Variants in EIF4EBP2 observed in about 807,000 individuals in gnomAD.
The protein encoded by EIF4EBP2 is eukaryotic translation initiation factor 4E binding protein 2, also known as eukaryotic translation initiation factor 4E-binding protein 2.
EIF4EBP2 carries 5 observed loss-of-function variants against 10.3 expected under a neutral mutation model. The ratio of observed to expected loss-of-function variants is 0.48; its 90% confidence interval spans 0.25 to 1.02. The LOEUF (loss-of-function observed/expected upper bound fraction) is 1.02, where lower values mean the gene tolerates loss of function less well. Ranked by LOEUF, EIF4EBP2 falls within the 50% of genes least tolerant of loss-of-function variation. The pLI is 0.15. For missense variants in EIF4EBP2, 188 were observed against 162.2 expected, an observed-to-expected ratio of 1.16 and a Z score of -0.86; for synonymous variants, 67 against 61.1, an observed-to-expected ratio of 1.10 and a Z score of -0.45.
chr10:70,411,009 C>T (rs763121918), intron 1 of EIF4EBP2, among the ~76,000 whole-genome samples: 2 of 152,136 alleles, frequency 1.3e-5, no homozygotes, highest in Non-Finnish European at 2.9e-5. Flanking sequence ...TTGTAAGCAT[C>T]TTTTTTCTTA....
At chr10:70,415,471 T>C (rs1845084487) in intron 1 of EIF4EBP2, among the ~76,000 whole-genome samples, 1 of 147,478 alleles carries the variant, frequency 6.8e-6, no homozygotes, top group Non-Finnish European at 1.5e-5. Flanking sequence ...GGACCTAAAA[T>C]ATCCAGAACA....
At chr10:70,420,143 A>T in intron 2 of EIF4EBP2, 44 bp downstream of exon 2, 1 of 1,509,340 alleles carries the variant, frequency 6.6e-7, no homozygotes, top group Non-Finnish European at 8.9e-7. Context: ...TGGCTCTTGG[A>T]ATTTGAATGT....
rs770158845 is a variant in EIF4EBP2, at chr10:70,420,032, TGAA to T, written c.267_269del (p.Glu89del). The T allele has an allele frequency of 1.2e-6, 2 of 1,613,246 alleles. No individual in the cohort carries two copies. Among genetic ancestry groups the T allele is most frequent in the Non-Finnish European group, 1.7e-6 (2 of 1,179,806 alleles). On this transcript the variant is annotated inframe_deletion, in exon 2 of 3. Transcript: ENST00000373218. Reference sequence around the variant, plus strand: ...GAGTCACTAGCCCTGGCACCTTAATTGAAGACTCCAAAGTAGAAGTAAACAATT... The same window carrying T: ...GAGTCACTAGCCCTGGCACCTTAATTGACTCCAAAGTAGAAGTAAACAATT...
At chr10:70,419,283 C>G (rs536642422) in intron 1 of EIF4EBP2, among the ~76,000 whole-genome samples, 3 of 152,294 alleles carry the variant, frequency 2.0e-5, no homozygotes, top group African/African-American at 7.2e-5. Context: ...TTAAAGTGTA[C>G]TCTTCAAAAC....
intron 1 of EIF4EBP2, among the ~76,000 whole-genome samples, chr10:70,418,450 G>A (rs1415608122): frequency 6.6e-6 from 1 of 152,170 alleles, no homozygotes; most frequent in Non-Finnish European, 1.5e-5. Context: ...GGGTGCACCA[G>A]CACAACTTTG....
chr10:70,404,278 C>T lies in EIF4EBP2; in HGVS notation c.-124C>T. 2 of 1,259,960 alleles carry T rather than the reference C, an allele frequency of 1.6e-6. No individual in the cohort carries two copies. The highest frequency in any genetic ancestry group is 1.7e-5 in the South Asian group (1 of 58,170). 78.0% of individuals were successfully genotyped at this position (1,259,960 alleles called of 1,614,324 possible). A position where few individuals can be genotyped will look rare whatever the true frequency, so the allele number is the denominator to read the frequency against. On this transcript the variant is annotated 5_prime_UTR_variant, in exon 1 of 3. In the 5' UTR this introduces an upstream ATG that the reference lacks. Transcript: ENST00000373218. ...GCGGGAGCGGAGCGGGACGAGGGAA[C>T]GGGAGGAAGCGAGCGAGGAGCGCGC...
In EIF4EBP2 at chr10:70,420,083, C is replaced by T; in HGVS notation, c.315C>T (p.Asp105=). 1 of 1,605,530 alleles carries T rather than the reference C, an allele frequency of 6.2e-7. No individual in the cohort carries two copies. Among genetic ancestry groups the T allele is most frequent in the Non-Finnish European group, 8.5e-7 (1 of 1,177,188 alleles). The change falls in exon 2 of 3, where the codon GAC becomes GAT. Residue 105 remains aspartate, a synonymous_variant. Coordinates refer to ENST00000373218, the MANE Select transcript of EIF4EBP2 (RefSeq NM_004096.5). ...ATTTGAACAACTTGAACAATCACGACAGGAAACATGCAGTTGGTAAGAGAA... is the reference window on the plus strand; with the variant it reads ...ATTTGAACAACTTGAACAATCACGATAGGAAACATGCAGTTGGTAAGAGAA... ...VNNLNNLNNH[D]RKHAVGDDAQ... is the part of the protein sequence containing the mutation.
intron 1 of EIF4EBP2, among the ~76,000 whole-genome samples, chr10:70,413,814 T>C (rs1040131971): frequency 1.3e-4 from 20 of 152,278 alleles, no homozygotes; most frequent in African/African-American, 4.6e-4. Context: ...AATGGAAAAT[T>C]GTTTTTTAAT....
intron 1 of EIF4EBP2, among the ~76,000 whole-genome samples, chr10:70,414,995 A>G (rs1845078830): frequency 6.6e-6 from 1 of 151,978 alleles, no homozygotes; most frequent in Non-Finnish European, 1.5e-5. Context: ...CGTCTCTACA[A>G]AAAATACAAA....
At position 70,404,422 on chromosome 10, in the gene EIF4EBP2, C is replaced by T. The variant is rs201442499; in HGVS notation, c.21C>T (p.Ser7=). 3,859 of 1,588,848 alleles carry T rather than the reference C, an allele frequency of 2.4e-3. 17 individuals are homozygous for T. Among genetic ancestry groups the T allele is most frequent in the Non-Finnish European group, 2.8e-3 (3,249 of 1,170,758 alleles). Reference sequence around the variant, plus strand: ...CAGCCATGTCCTCGTCAGCCGGCAGCGGCCACCAGCCCAGCCAGAGCCGCG... The same window carrying T: ...CAGCCATGTCCTCGTCAGCCGGCAGTGGCCACCAGCCCAGCCAGAGCCGCG... MSSSAG[S]GHQPSQSRAI... is the part of the protein sequence containing the mutation. Residue 7 remains serine (S), a synonymous_variant, in exon 1 of 3, where the codon AGC becomes AGT. Coordinates refer to ENST00000373218, the MANE Select transcript of EIF4EBP2 (RefSeq NM_004096.5).
At chr10:70,405,972 A>G (rs1844960915) in intron 1 of EIF4EBP2, among the ~76,000 whole-genome samples, 1 of 152,306 alleles carries the variant, frequency 6.6e-6, no homozygotes, top group Admixed American at 6.5e-5. Flanking sequence ...CGATATGATC[A>G]GTTCAAGACC....
chr10:70,413,808 G>C (rs1008758277), intron 1 of EIF4EBP2, among the ~76,000 whole-genome samples: 1 of 152,006 alleles, frequency 6.6e-6, no homozygotes, highest in Non-Finnish European at 1.5e-5. Context: ...AGAAGGAATG[G>C]AAAATTGTTT....
At chr10:70,415,412 C>A (rs1845083908) in intron 1 of EIF4EBP2, among the ~76,000 whole-genome samples, 1 of 152,316 alleles carries the variant, frequency 6.6e-6, no homozygotes, top group East Asian at 1.9e-4. Context: ...CTATCATAAT[C>A]TCAGCTGGCT....
At chr10:70,407,838 C>T (rs1455713169) in intron 1 of EIF4EBP2, among the ~76,000 whole-genome samples, 13 of 140,866 alleles carry the variant, frequency 9.2e-5, no homozygotes, top group African/African-American at 2.6e-4. Context: ...CCAGATGGGG[C>T]GGCTGGCCGG....
rs1021720322 is a variant in EIF4EBP2, at chr10:70,424,134, C to G, written c.*2387C>G. 1 of 152,148 alleles carries G rather than the reference C, an allele frequency of 6.6e-6. No individual in the cohort carries two copies. The highest frequency in any genetic ancestry group is 2.4e-5 in the African/African-American group (1 of 41,436). The allele number at this position is 152,148 out of a possible 1,614,324, so 9.4% of individuals were successfully genotyped here. A position where few individuals can be genotyped will look rare whatever the true frequency, so the allele number is the denominator to read the frequency against. ...TGATCTTTATTGCTATGTGTGAAAA[C>G]TTGGCTTCCTCACTGAACGGTGAGG... On this transcript the variant is annotated 3_prime_UTR_variant, in exon 3 of 3. Coordinates refer to ENST00000373218, the MANE Select transcript of EIF4EBP2 (RefSeq NM_004096.5).
At position 70,427,940 on chromosome 10, in the gene EIF4EBP2, CCT is replaced by C. The variant is rs1330275661; in HGVS notation, c.*6194_*6195del. ...TATCCATTCTTGCCCAAGTGTATCC[CCT>C]TTCTCTCCAGCTTAATCTTTTTTTT... is the stretch of plus-strand genomic sequence containing the variant. On this transcript the variant is annotated 3_prime_UTR_variant, in exon 3 of 3. Coordinates refer to ENST00000373218, the MANE Select transcript of EIF4EBP2 (RefSeq NM_004096.5). The C allele has an allele frequency of 2.0e-5, 3 of 151,840 alleles. No individual in the cohort carries two copies. Among genetic ancestry groups the C allele is most frequent in the Admixed American group, 2.0e-4 (3 of 15,254 alleles). The allele number at this position is 151,840 out of a possible 1,614,324, so 9.4% of individuals were successfully genotyped here.
intron 1 of EIF4EBP2, among the ~76,000 whole-genome samples, chr10:70,419,107 A>T (rs1303651155): frequency 6.6e-6 from 1 of 152,182 alleles, no homozygotes; most frequent in Non-Finnish European, 1.5e-5. Context: ...ATGAGCCACC[A>T]TGCCCAGGCT....
At chr10:70,404,612 T>TCGGTGCCC in intron 1 of EIF4EBP2, 66 bp downstream of exon 1, 5 of 1,442,620 alleles carry the variant, frequency 3.5e-6, no homozygotes, top group Non-Finnish European at 3.6e-6. Context: ...CCTCGGCGCC[T>TCGGTGCCC]CGGTGCCCGG....
In EIF4EBP2 at chr10:70,421,871, C is replaced by T. The variant is rs1845160752; in HGVS notation, c.*124C>T. 7 of 828,140 alleles carry T rather than the reference C, an allele frequency of 8.5e-6. No individual in the cohort carries two copies. The highest frequency in any genetic ancestry group is 5.8e-6 in the Non-Finnish European group (3 of 513,554). The allele number at this position is 828,140 out of a possible 1,614,324, so 51.3% of individuals were successfully genotyped here. A position where few individuals can be genotyped will look rare whatever the true frequency, so the allele number is the denominator to read the frequency against. On this transcript the variant is annotated 3_prime_UTR_variant, in exon 3 of 3. Coordinates refer to ENST00000373218, the MANE Select transcript of EIF4EBP2 (RefSeq NM_004096.5). ...CCAGCAGTCCCCATTACAGTCTCCA[C>T]CTCCCCGTCTTCCTCTGGGTGCCAA...
Sources: gnomAD v4.1 joint callset for allele counts (sites outside exome capture counted in the v4.1 genomes callset) on GRCh38, gnomAD v4.1.1 for gene constraint, MANE v1.5 for transcripts, NCBI Gene and HGNC (gene_info 2026-07-23, HGNC 2026-07-21) for gene names.